The following KYNU variants were observed in gnomAD, a reference collection of about 807,000 sequenced individuals.
KYNU encodes kynureninase.
Under a neutral mutation model 59.2 loss-of-function variants are expected in KYNU, and 54 were observed. That is an observed-to-expected ratio of 0.91 (90% CI 0.73 to 1.14). KYNU has a LOEUF of 1.14. Among genes scored for constraint, KYNU ranks in the 50% most tolerant of loss-of-function variants. The pLI, the probability that KYNU is intolerant of heterozygous loss-of-function variation, is 0.00. For synonymous variants in KYNU, 177 were observed against 192.0 expected (o/e 0.92, Z 0.65); for missense variants, 567 against 554.4 (o/e 1.02, Z -0.23).
At chr2:143,036,072 T>C (rs1294955831) in intron 12 of KYNU, among the ~76,000 whole-genome samples, 2 of 152,102 alleles carry the variant, frequency 1.3e-5, no homozygotes, top group Admixed American at 1.3e-4. Flanking sequence ...TTTTTAAATT[T>C]TTTTAGAGAT....
intron 8 of KYNU, among the ~76,000 whole-genome samples, chr2:142,977,372 G>GATATATATGTATATATATATATATATAT (rs1684921352): frequency 7.6e-6 from 1 of 131,152 alleles, no homozygotes; most frequent in Non-Finnish European, 1.7e-5. Context: ...ATTTTGTGTG[G>GATATATATGTATATATATATATATATAT]ATATATATAT....
chr2:143,001,174 A>T (rs1685700172), intron 10 of KYNU, among the ~76,000 whole-genome samples: 1 of 151,992 alleles, frequency 6.6e-6, no homozygotes, highest in South Asian at 2.1e-4. Context: ...GGCAAGAGGG[A>T]GTGAGTTAGA....
chr2:142,933,898 G>A (rs1422202946), intron 4 of KYNU, among the ~76,000 whole-genome samples: 1 of 152,178 alleles, frequency 6.6e-6, no homozygotes, highest in Non-Finnish European at 1.5e-5. Flanking sequence ...TAAAGGCAAA[G>A]AGGTTTTGGG....
intron 10 of KYNU, among the ~76,000 whole-genome samples, chr2:142,996,420 T>C (rs1685547343): frequency 6.6e-6 from 1 of 152,142 alleles, no homozygotes; most frequent in South Asian, 2.1e-4. Context: ...GGTCTCATTG[T>C]GTTGCCCACG....
rs1036148112 is a variant in KYNU at position 143,042,240 on chromosome 2, A to T, written c.*68A>T. The T allele has an allele frequency of 4.9e-6, 7 of 1,433,516 alleles. No individual in the cohort carries two copies. In the African/African-American group the frequency reaches 9.8e-5, roughly 20 times the overall value. The allele number at this position is 1,433,516 out of a possible 1,614,324, so 88.8% of individuals were successfully genotyped here. ...GCTGTGGTTATTTCAGTATTATTCG[A>T]TTTTTAATTATTGAAAGTATGTCAC... On this transcript the variant is annotated 3_prime_UTR_variant, in exon 14 of 14. Coordinates refer to ENST00000264170, the MANE Select transcript of KYNU (RefSeq NM_003937.3).
In KYNU at chr2:142,885,458, C is replaced by T. The variant is rs1185754984; in HGVS notation, c.91C>T (p.Leu31Phe). ...KCHPTDERVA[L>F]HLDEEDKLRH... ...CCACCCAACGGATGAGAGGGTGGCT[C>T]TCCACCTAGATGAGGAAGATAAGCT... is the stretch of plus-strand genomic sequence containing the variant. The change falls in exon 2 of 14, where the codon CTC becomes TTC. Residue 31 changes from leucine (L) to phenylalanine (F), a missense_variant. Coordinates refer to ENST00000264170, the MANE Select transcript of KYNU (RefSeq NM_003937.3). 1.2e-6 allele frequency: 2 copies of T among 1,613,866 alleles called. No homozygotes were observed. The highest frequency in any genetic ancestry group is 1.7e-6 in the Non-Finnish European group (2 of 1,179,836).
chr2:142,918,285 C>G (rs568511150), intron 2 of KYNU, among the ~76,000 whole-genome samples: 4 of 152,242 alleles, frequency 2.6e-5, no homozygotes, highest in Admixed American at 2.0e-4. Context: ...GATGTATTTC[C>G]TAATTAAAAA....
chr2:142,998,526 C>T (rs1685612188), intron 10 of KYNU, among the ~76,000 whole-genome samples: 1 of 152,070 alleles, frequency 6.6e-6, no homozygotes, highest in Non-Finnish European at 1.5e-5. Context: ...AGGTTTTAAA[C>T]AGCGCTTATT....
At position 142,977,331 on chromosome 2, in the gene KYNU, T is replaced by C. The variant is rs2105139741; in HGVS notation, c.730-7753T>C. 2.1e-5 allele frequency among the ~76,000 whole-genome samples: 3 copies of C among 142,080 alleles called. No individual in the cohort carries two copies. The South Asian group carries it at 7.0e-4, about 33-fold the overall frequency. 93.2% of individuals were successfully genotyped at this position (142,080 alleles called of 152,430 possible). ...CAACTAAAATGTGAGCATTTAGAAT[T>C]GATTTTCAGGTGGCTAGCTTCCTGG... On this transcript the variant is annotated intron_variant, in intron 8 of 13. Coordinates refer to ENST00000264170, the MANE Select transcript of KYNU (RefSeq NM_003937.3).
At chr2:143,013,914 T>C (rs1686182109) in intron 10 of KYNU, among the ~76,000 whole-genome samples, 1 of 152,210 alleles carries the variant, frequency 6.6e-6, no homozygotes, top group South Asian at 2.1e-4. Flanking sequence ...AAGATGTGTA[T>C]GAAACTGAAA....
intron 10 of KYNU, among the ~76,000 whole-genome samples, chr2:143,015,771 T>A (rs1686230362): frequency 6.6e-6 from 1 of 152,100 alleles, no homozygotes; most frequent in Non-Finnish European, 1.5e-5. Flanking sequence ...AAATTAAGAC[T>A]TTATATTTTG....
At chr2:142,938,470 G>C (rs2105042963) in intron 4 of KYNU, among the ~76,000 whole-genome samples, 1 of 152,314 alleles carries the variant, frequency 6.6e-6, no homozygotes, top group Middle Eastern at 3.4e-3. Flanking sequence ...AAACAGCCAG[G>C]TTGTTTACAG....
chr2:142,978,372 A>G (rs1300992737), intron 8 of KYNU, among the ~76,000 whole-genome samples: 1 of 152,130 alleles, frequency 6.6e-6, no homozygotes, highest in Non-Finnish European at 1.5e-5. Flanking sequence ...TTACTTTTGC[A>G]TCAAGCAAGA....
rs769588564 is a variant in KYNU, at chr2:142,985,941, A to T, written c.829-7A>T. The T allele has an allele frequency of 3.8e-6, 6 of 1,584,736 alleles. No homozygotes were observed. The East Asian group carries it at 9.0e-5, about 24-fold the overall frequency. ...AACCCACATAATTTAATTTATTTTC[A>T]ATCTAGTATTTAAATGCAGGAGCAG... On this transcript the variant is annotated splice_polypyrimidine_tract_variant and splice_region_variant and intron_variant, in intron 9 of 13. Coordinates refer to ENST00000264170, the MANE Select transcript of KYNU (RefSeq NM_003937.3).
intron 8 of KYNU, among the ~76,000 whole-genome samples, chr2:142,979,827 G>T (rs947359142): frequency 1.1e-4 from 17 of 151,976 alleles, no homozygotes; most frequent in South Asian, 4.2e-4. Context: ...CACCAGAAAA[G>T]GGCTCCCAAT....
intron 10 of KYNU, among the ~76,000 whole-genome samples, chr2:143,022,715 T>G (rs377177755): frequency 6.6e-6 from 1 of 152,014 alleles, no homozygotes; most frequent in Admixed American, 6.5e-5. Flanking sequence ...ATTTTGTTCC[T>G]TGCTGGGATT....
chr2:143,040,424 A>G lies in KYNU; in HGVS notation c.1042-4A>G, dbSNP rs374149899. ...CTTTAATCTGATTGTTTCTCATTCC[A>G]CAGATCTTTAAGCAAGCGACAATGA... On this transcript the variant is annotated splice_region_variant and splice_polypyrimidine_tract_variant and intron_variant, in intron 12 of 13. Transcript: ENST00000264170. 90 of 1,606,616 alleles carry G rather than the reference A, an allele frequency of 5.6e-5. No homozygotes were observed. In the African/African-American group the frequency reaches 9.9e-4, roughly 18 times the overall value.
chr2:143,045,477 T>A lies in KYNU; in HGVS notation c.*3305T>A, dbSNP rs952033672. On this transcript the variant is annotated 3_prime_UTR_variant, in exon 14 of 14. Coordinates refer to ENST00000264170, the MANE Select transcript of KYNU (RefSeq NM_003937.3). ...TCCTATCTATGAGCATGGAATGTTT[T>A]TCCATTTGTTTGTGTCCTCTCTGGT... 1 of 152,218 alleles carries A rather than the reference T, an allele frequency of 6.6e-6. No individual in the cohort carries two copies. Among genetic ancestry groups the A allele is most frequent in the Admixed American group, 6.5e-5 (1 of 15,276 alleles). 9.4% of individuals were successfully genotyped at this position (152,218 alleles called of 1,614,324 possible).
chr2:142,927,538 A>G lies in KYNU; in HGVS notation c.291-121A>G, dbSNP rs374154523. The G allele has an allele frequency of 1.3e-3, 935 of 701,342 alleles. 16 individuals are homozygous for G. The highest frequency in any genetic ancestry group is 8.5e-3 in the South Asian group (471 of 55,514). 43.4% of individuals were successfully genotyped at this position (701,342 alleles called of 1,614,324 possible). A position where few individuals can be genotyped will look rare whatever the true frequency, so the allele number is the denominator to read the frequency against. On this transcript the variant is annotated intron_variant, in intron 3 of 13. Transcript: ENST00000264170. ...TTGTTTTAAAAAGGCCTGATTTTAT[A>G]TAATTACTAACACATAGAAAGGTCC...
Sources: gnomAD v4.1 joint callset for allele counts (sites outside exome capture counted in the v4.1 genomes callset) on GRCh38, gnomAD v4.1.1 for gene constraint, MANE v1.5 for transcripts, NCBI Gene and HGNC (gene_info 2026-07-23, HGNC 2026-07-21) for gene names.